The following RAPH1 variants were observed in gnomAD, a reference collection of about 807,000 sequenced individuals.
RAPH1 encodes the protein ras-associated and pleckstrin homology domains-containing protein 1.
In RAPH1, 18 loss-of-function variants were observed where a neutral mutation model predicts 88.1. The ratio of observed to expected loss-of-function variants is 0.20; its 90% CI spans 0.14 to 0.30. The LOEUF (loss-of-function observed/expected upper bound fraction) is 0.30. Ranked by LOEUF, RAPH1 falls within the 10% of genes least tolerant of loss-of-function variation. RAPH1 has a pLI of 1.00. For missense variants in RAPH1, 1,448 were observed against 1,543.2 expected (o/e 0.94, Z 1.03); for synonymous variants, 587 against 559.0 (o/e 1.05, Z -0.71).
chr2:203,484,347 T>C (rs1286964538), intron 4 of RAPH1, among the ~76,000 whole-genome samples: 1 of 152,218 alleles, frequency 6.6e-6, no homozygotes, highest in African/African-American at 2.4e-5. Context: ...TTTCTCAACC[T>C]TGGCTCTATT....
intron 4 of RAPH1, among the ~76,000 whole-genome samples, chr2:203,467,481 C>G (rs963104996): frequency 1.3e-5 from 2 of 151,782 alleles, no homozygotes; most frequent in Non-Finnish European, 2.9e-5. Flanking sequence ...TGCCTGTAAT[C>G]CCAGCTACTC....
At chr2:203,478,276 C>T (rs917793645) in intron 4 of RAPH1, among the ~76,000 whole-genome samples, 6 of 151,996 alleles carry the variant, frequency 3.9e-5, no homozygotes, top group Admixed American at 6.5e-5. Context: ...CCTCGTGATC[C>T]GCCCTCCTTG....
chr2:203,476,963 G>T, intron 4 of RAPH1: 1 of 733,630 alleles, frequency 1.4e-6, no homozygotes, highest in Middle Eastern at 2.6e-4. Context: ...ATTAAGTTTG[G>T]TTTAATTTTT....
chr2:203,458,762 C>G (rs2098521875), intron 7 of RAPH1, among the ~76,000 whole-genome samples: 1 of 148,994 alleles, frequency 6.7e-6, no homozygotes, highest in Non-Finnish European at 1.5e-5. Context: ...ACTTCTTTTT[C>G]TTTTTCTCTT....
At chr2:203,484,849 T>C (rs910144170) in intron 4 of RAPH1, among the ~76,000 whole-genome samples, 6 of 152,180 alleles carry the variant, frequency 3.9e-5, no homozygotes, top group Non-Finnish European at 2.9e-5. Flanking sequence ...CAACAGACCA[T>C]AGCTTGAAGC....
At chr2:203,495,902 C>T (rs1244171035) in intron 1 of RAPH1, among the ~76,000 whole-genome samples, 2 of 152,150 alleles carry the variant, frequency 1.3e-5, no homozygotes, top group Non-Finnish European at 2.9e-5. Context: ...ACTTTCTATC[C>T]CATTTGTCTT....
At chr2:203,447,825 T>C in intron 12 of RAPH1, 134 bp downstream of exon 12, 2 of 821,028 alleles carry the variant, frequency 2.4e-6, no homozygotes, top group Non-Finnish European at 3.7e-6. Context: ...AAAAGGCATC[T>C]ATTGATTATA....
At position 203,491,316 on chromosome 2, in the gene RAPH1, A is replaced by G. The variant is rs144463387; in HGVS notation, c.124T>C (p.Leu42=). The stretch of plus-strand genomic sequence containing the variant: ...GGTTCCATGGGCTTGTCAGAATCCA[A>G]ACTCTTTATAAAAAGAAAGTTTAAT... The part of the protein sequence containing the change: ...LGELDKLTQS[L]DSDKPMEPVK... Residue 42 remains leucine, a synonymous_variant, in exon 3 of 14, where the codon TTG becomes CTG. Transcript: ENST00000319170. 6 of 1,598,140 alleles carry G rather than the reference A, an allele frequency of 3.8e-6. No homozygotes were observed. The highest frequency in any genetic ancestry group is 1.3e-5 in the African/African-American group (1 of 74,232).
At chr2:203,464,135 T>C (rs1373000591) in intron 4 of RAPH1, among the ~76,000 whole-genome samples, 1 of 152,248 alleles carries the variant, frequency 6.6e-6, no homozygotes, top group African/African-American at 2.4e-5. Flanking sequence ...ATCCTTATAT[T>C]GGCATGAATT....
At chr2:203,520,671 A>G (rs1689827327) in intron 1 of RAPH1, among the ~76,000 whole-genome samples, 1 of 152,090 alleles carries the variant, frequency 6.6e-6, no homozygotes, top group Non-Finnish European at 1.5e-5. Flanking sequence ...ATTTCTAATA[A>G]CCATACTTCT....
chr2:203,438,512 A>G lies in RAPH1; in HGVS notation c.*925T>C, dbSNP rs2098500320. 1 of 214,380 alleles carries G rather than the reference A, an allele frequency of 4.7e-6. No homozygotes were observed. Among genetic ancestry groups the G allele is most frequent in the East Asian group, 1.4e-4 (1 of 7,134 alleles). 13.3% of individuals were successfully genotyped at this position (214,380 alleles called of 1,614,324 possible). A position where few individuals can be genotyped will look rare whatever the true frequency, so the allele number is the denominator to read the frequency against. On this transcript the variant is annotated 3_prime_UTR_variant, in exon 14 of 14. Transcript: ENST00000319170. ...ACTGGTGACCCAAAGACATACTGGGACAGAACATTACAGAGATAACTGTGT... is the reference window on the plus strand; with the variant it reads ...ACTGGTGACCCAAAGACATACTGGGGCAGAACATTACAGAGATAACTGTGT...
At chr2:203,500,311 G>A (rs529891343) in intron 1 of RAPH1, among the ~76,000 whole-genome samples, 4 of 152,282 alleles carry the variant, frequency 2.6e-5, no homozygotes, top group African/African-American at 7.2e-5. Flanking sequence ...GGTGTTTTAG[G>A]CAGAGGAACC....
intron 1 of RAPH1, among the ~76,000 whole-genome samples, chr2:203,517,000 C>T (rs1689642272): frequency 6.6e-6 from 1 of 151,368 alleles, no homozygotes; most frequent in Admixed American, 6.6e-5. Flanking sequence ...CGTCACTGCA[C>T]TCCAGCCTGG....
intron 1 of RAPH1, among the ~76,000 whole-genome samples, chr2:203,512,813 G>A (rs1415470750): frequency 6.6e-6 from 1 of 151,838 alleles, no homozygotes; most frequent in Non-Finnish European, 1.5e-5. Context: ...TTTTAGTAGA[G>A]ACAGGGTTCA....
At chr2:203,487,997 C>T (rs904193663) in intron 4 of RAPH1, among the ~76,000 whole-genome samples, 9 of 152,142 alleles carry the variant, frequency 5.9e-5, no homozygotes, top group Non-Finnish European at 1.2e-4. Context: ...ACTGATTATT[C>T]ATAAATAGAT....
At chr2:203,484,661 A>AT (rs1172097266) in intron 4 of RAPH1, among the ~76,000 whole-genome samples, 1 of 152,242 alleles carries the variant, frequency 6.6e-6, no homozygotes, top group Non-Finnish European at 1.5e-5. Flanking sequence ...CACTCAATTT[A>AT]TATCGTGTAA....
Position 203,490,097 on chromosome 2 carries a change from GAAC to G in RAPH1, c.227-11_227-9del. 6.3e-7 allele frequency: 1 copy of G among 1,588,782 alleles called. No individual in the cohort carries two copies. The highest frequency in any genetic ancestry group is 8.6e-7 in the Non-Finnish European group (1 of 1,168,530). ...CTCCCTGATTCAGAGCTTCTGCAATGAACAACACATAATGTTTCCAGAATTTAT... is the reference window on the plus strand; with the variant it reads ...CTCCCTGATTCAGAGCTTCTGCAATGAACACATAATGTTTCCAGAATTTAT... On this transcript the variant is annotated splice_polypyrimidine_tract_variant and intron_variant, in intron 3 of 13. Transcript: ENST00000319170.
intron 4 of RAPH1, among the ~76,000 whole-genome samples, chr2:203,483,908 C>T (rs1322039583): frequency 1.3e-5 from 2 of 152,138 alleles, no homozygotes; most frequent in African/African-American, 4.8e-5. Context: ...CAGCCTAGGA[C>T]TGATAATTAT....
chr2:203,491,056 AAAAAGAAAAAAG>A (rs1404407750), intron 3 of RAPH1, among the ~76,000 whole-genome samples, 146 bp downstream of exon 3: 53 of 151,890 alleles, frequency 3.5e-4, no homozygotes, highest in South Asian at 4.1e-4. Context: ...AAAAAAAAAA[AAAAAGAAAAAAG>A]AAAAGAAAAA....
Sources: allele counts gnomAD v4.1 joint callset (sites outside exome capture counted in the v4.1 genomes callset), GRCh38; gene constraint gnomAD v4.1.1; transcripts MANE v1.5; gene names NCBI Gene and HGNC (gene_info 2026-07-23, HGNC 2026-07-21).